The following ZNF799 variants were observed in gnomAD, a reference collection of about 807,000 sequenced individuals.
ZNF799 encodes the protein zinc finger protein 14.
Under a neutral mutation model 41.0 loss-of-function variants are expected in ZNF799, and 28 were observed. The observed-to-expected ratio is 0.68, with a 90% CI of 0.51 to 0.94. The LOEUF is 0.94. Ranked by LOEUF, ZNF799 falls within the 40% of genes least tolerant of loss-of-function variation. The pLI is 0.00. For missense variants in ZNF799, 716 were observed against 764.3 expected, an observed-to-expected ratio of 0.94 and a Z score of 0.74; for synonymous variants, 213 against 252.9, an observed-to-expected ratio of 0.84 and a Z score of 1.50.
chr19:12,390,383 T>C lies in ZNF799; in HGVS notation c.*83A>G. On this transcript the variant is annotated 3_prime_UTR_variant, in exon 4 of 4. Coordinates refer to ENST00000430385, the MANE Select transcript of ZNF799 (RefSeq NM_001080821.3). ...CAAGTGCTTACATTCACAGGGTCTA[T>C]CTCCAATGTGTTTCGTACAAGTATC... The C allele has an allele frequency of 1.3e-6, 2 of 1,599,046 alleles. No homozygotes were observed. Among genetic ancestry groups the C allele is most frequent in the Admixed American group, 1.7e-5 (1 of 57,728 alleles).
At chr19:12,397,044 G>T (rs567381167) in intron 1 of ZNF799, among the ~76,000 whole-genome samples, 1 of 152,270 alleles carries the variant, frequency 6.6e-6, no homozygotes, top group Non-Finnish European at 1.5e-5. Context: ...ATATCATAAA[G>T]GTTTGTTCAA....
chr19:12,414,966 T>G, the ZNF799 span, among the ~76,000 whole-genome samples: 1 of 152,126 alleles, frequency 6.6e-6, no homozygotes, highest in African/African-American at 2.4e-5. Context: ...TGTTAACGAA[T>G]TAAACGCTCC....
At chr19:12,398,876 A>G (rs978076556) in intron 1 of ZNF799, among the ~76,000 whole-genome samples, 1 of 152,190 alleles carries the variant, frequency 6.6e-6, no homozygotes, top group Non-Finnish European at 1.5e-5. Context: ...CCTGAGAAAC[A>G]TACTACACAA....
At chr19:12,414,466 T>A in the ZNF799 span, among the ~76,000 whole-genome samples, 3 of 151,986 alleles carry the variant, frequency 2.0e-5, no homozygotes, top group Non-Finnish European at 4.4e-5. Context: ...AGTGGAGCCA[T>A]CCCCTAGCCT....
upstream of ZNF799, among the ~76,000 whole-genome samples, chr19:12,402,096 T>A (rs558268522): frequency 7.9e-5 from 12 of 152,382 alleles, no homozygotes; most frequent in African/African-American, 2.9e-4. Flanking sequence ...TTTGGTTGTT[T>A]GAGATGGGGT....
At chr19:12,392,249 A>T (rs1599605758) in intron 3 of ZNF799, 43 bp from the exon 4 acceptor site, 4 of 1,517,484 alleles carry the variant, frequency 2.6e-6, no homozygotes, top group Non-Finnish European at 3.5e-6. Context: ...CGGTCTATAA[A>T]TAATTGTATA....
chr19:12,401,865 C>G (rs1027161993), upstream of ZNF799, among the ~76,000 whole-genome samples: 33 of 152,122 alleles, frequency 2.2e-4, no homozygotes, highest in African/African-American at 7.2e-4. Context: ...TGAGCCATCG[C>G]GCCTGGCTCC....
At chr19:12,397,400 T>TAA (rs112413283) in intron 1 of ZNF799, among the ~76,000 whole-genome samples, 5 of 134,290 alleles carry the variant, frequency 3.7e-5, no homozygotes, top group Admixed American at 1.5e-4. Context: ...AGGAAACGTG[T>TAA]AAAAAAAAAA....
chr19:12,409,639 T>C, the ZNF799 span, among the ~76,000 whole-genome samples: 1 of 152,188 alleles, frequency 6.6e-6, no homozygotes, highest in South Asian at 2.1e-4. Flanking sequence ...GGATGGACTA[T>C]ATTCTGAGCC....
At chr19:12,398,448 A>G (rs1181930044) in intron 1 of ZNF799, among the ~76,000 whole-genome samples, 2 of 152,226 alleles carry the variant, frequency 1.3e-5, no homozygotes, top group African/African-American at 2.4e-5. Context: ...ATGGGTGGGA[A>G]GGAAATTGTA....
upstream of ZNF799, among the ~76,000 whole-genome samples, chr19:12,401,558 TTTTTTTTTTC>T (rs1175055605): frequency 1.6e-5 from 1 of 61,632 alleles, no homozygotes; most frequent in African/African-American, 7.1e-5. Context: ...TTTTTTTTTT[TTTTTTTTTTC>T]CGAGAGAGAG....
rs756902640 is a variant in ZNF799 at position 12,390,888 on chromosome 19, A to C, written c.1510T>G (p.Tyr504Asp). 1 of 1,614,078 alleles carries C rather than the reference A, an allele frequency of 6.2e-7. No individual in the cohort carries two copies. Among genetic ancestry groups the C allele is most frequent in the South Asian group, 1.1e-5 (1 of 91,076 alleles). The change falls in exon 4 of 4, where the codon TAT becomes GAT. Residue 504 changes from tyrosine to aspartate, a missense_variant. Coordinates refer to ENST00000430385, the MANE Select transcript of ZNF799 (RefSeq NM_001080821.3). ...GCTTTCTTACATGTGTTACACTCAT[A>C]AGGTTTCTCTCCTGTGTGAGTCCTT... ...HRRTHTGEKP[Y>D]ECNTCKKAFS...
rs1568501239 is a variant in ZNF799, at chr19:12,391,552, T to C, written c.846A>G (p.Thr282=). The C allele has an allele frequency of 1.2e-6, 2 of 1,613,982 alleles. No homozygotes were observed. The highest frequency in any genetic ancestry group is 1.7e-6 in the Non-Finnish European group (2 of 1,179,988). Reference sequence around the variant, plus strand: ...TGAAGGCTTTCCCACATTGTTTACATGTATAGGGTTTCTTTCCAGTGTGAG... The same window carrying C: ...TGAAGGCTTTCCCACATTGTTTACACGTATAGGGTTTCTTTCCAGTGTGAG... ...ERTHTGKKPY[T]CKQCGKAFSA... is the part of the protein sequence containing the mutation. Residue 282 remains threonine, a synonymous_variant, in exon 4 of 4, where the codon ACA becomes ACG. Transcript: ENST00000430385.
At chr19:12,396,630 C>G (rs987320142) in intron 1 of ZNF799, among the ~76,000 whole-genome samples, 1 of 151,874 alleles carries the variant, frequency 6.6e-6, no homozygotes, top group African/African-American at 2.4e-5. Context: ...GCCTGGGCAA[C>G]AAGAGCGAAC....
At chr19:12,393,758 C>T in intron 1 of ZNF799, 1 of 1,117,004 alleles carries the variant, frequency 9.0e-7, no homozygotes, top group Non-Finnish European at 1.1e-6. Context: ...ACTTATTGTG[C>T]AAAAGGGAGT....
At chr19:12,398,468 T>C (rs538836102) in intron 1 of ZNF799, among the ~76,000 whole-genome samples, 8 of 152,344 alleles carry the variant, frequency 5.3e-5, no homozygotes, top group East Asian at 3.8e-4. Context: ...AAGGCACTGA[T>C]ATTTTATACC....
Position 12,397,238 on chromosome 19 carries a change from G to T in ZNF799, c.4-3815C>A, listed in dbSNP as rs540659670. Among the ~76,000 whole-genome samples, 3 of 152,144 alleles carry T rather than the reference G, an allele frequency of 2.0e-5. No homozygotes were observed. In the East Asian group the frequency reaches 5.8e-4, roughly 29 times the overall value. ...TTGTTGTGAATGGTTTACTCCAAAT[G>T]CTAGGGAAATCAATAATAAAATGTT... On this transcript the variant is annotated intron_variant, in intron 1 of 3. Transcript: ENST00000430385.
intron 1 of ZNF799, chr19:12,400,353 G>A (rs1389396569): frequency 6.6e-6 from 1 of 152,352 alleles, no homozygotes; most frequent in African/African-American, 2.4e-5. Context: ...AGCCAGGCTG[G>A]AGGCGAGATT....
rs1417974318 is a variant in ZNF799 at position 12,391,127 on chromosome 19, T to A, written c.1271A>T (p.Lys424Ile). ...THTAEKPYKC[K>I]QCGKAYRISS... ...AATACGGTAGGCTTTGCCACATTGT[T>A]TACATTTATAGGGTTTCTCTGCAGT... Residue 424 changes from lysine (K) to isoleucine (I), a missense_variant, in exon 4 of 4, where the codon AAA becomes ATA. By Grantham distance (102) the Lys-to-Ile change is moderately radical (BLOSUM62 -3). Transcript: ENST00000430385. The A allele has an allele frequency of 6.2e-7, 1 of 1,614,192 alleles. No individual in the cohort carries two copies. Among genetic ancestry groups the A allele is most frequent in the East Asian group, 2.2e-5 (1 of 44,886 alleles).
Sources: allele counts gnomAD v4.1 joint callset (sites outside exome capture counted in the v4.1 genomes callset), GRCh38; gene constraint gnomAD v4.1.1; transcripts MANE v1.5; gene names NCBI Gene and HGNC (gene_info 2026-07-23, HGNC 2026-07-21).